UNC93B1: variants seen among roughly 807,000 people sequenced by gnomAD.
UNC93B1 encodes the protein protein unc-93 homolog B1.
UNC93B1 carries 33 observed loss-of-function variants against 56.8 expected under a neutral mutation model. That is an observed-to-expected ratio of 0.58 (90% CI 0.44 to 0.78). The LOEUF (loss-of-function observed/expected upper bound fraction) is 0.78, where lower values mean the gene tolerates loss of function less well. UNC93B1 is among the 30% of genes least tolerant of loss of function. UNC93B1 has a pLI of 0.00. For missense variants in UNC93B1, 673 were observed against 819.5 expected (o/e 0.82, Z 2.18); for synonymous variants, 334 against 358.6 (o/e 0.93, Z 0.77).
At position 68,004,006 on chromosome 11, in the gene UNC93B1, GC is replaced by G. The variant is rs1272126514; in HGVS notation, c.37del (p.Ala13LeufsTer74). 7 of 1,403,030 alleles carry G rather than the reference GC, an allele frequency of 5.0e-6. No individual in the cohort carries two copies. The highest frequency in any genetic ancestry group is 4.5e-5 in the South Asian group (3 of 67,034). 86.9% of individuals were successfully genotyped at this position (1,403,030 alleles called of 1,614,324 possible). On this transcript the variant is annotated frameshift_variant, in exon 1 of 11. Coordinates refer to ENST00000227471, the MANE Select transcript of UNC93B1 (RefSeq NM_030930.4). LOFTEE classifies it high-confidence loss of function. ...GTCCTCGTCGCCCTGCGGCCCCGCA[GC>G]CCCCGCCATCGGGTAGAGCGGCGGC... is the stretch of plus-strand genomic sequence containing the variant. ...AEPPLYPMAG[A>X]AGPQGDEDLL...
In UNC93B1 at chr11:67,991,178, T is replaced by G. The variant is rs1856831738; in HGVS notation, c.*368A>C. ...CTCGGCGGACCCTGGGGATAGGAGG[T>G]GCAAAGTGCGCTCACACGCGGCCCG... On this transcript the variant is annotated 3_prime_UTR_variant, in exon 11 of 11. Transcript: ENST00000227471. The G allele has an allele frequency of 4.4e-6, 1 of 228,824 alleles. No homozygotes were observed. The highest frequency in any genetic ancestry group is 5.8e-5 in the Admixed American group (1 of 17,348). The allele number at this position is 228,824 out of a possible 1,614,324, so 14.2% of individuals were successfully genotyped here. A position where few individuals can be genotyped will look rare whatever the true frequency, so the allele number is the denominator to read the frequency against.
chr11:67,992,672 T>TCC (rs1450442911), intron 10 of UNC93B1, among the ~76,000 whole-genome samples: 2,556 of 149,586 alleles, frequency 0.017, 61 homozygotes, highest in South Asian at 0.063. Flanking sequence ...TTTCCTTTTT[T>TCC]TTTTTTTTGG....
chr11:67,997,327 C>T (rs911343286), intron 7 of UNC93B1, among the ~76,000 whole-genome samples: 1 of 152,236 alleles, frequency 6.6e-6, no homozygotes, highest in South Asian at 2.1e-4. Flanking sequence ...CCTTCCAGCC[C>T]TCACCCTTGG....
chr11:67,993,770 T>C lies in UNC93B1; in HGVS notation c.1388A>G (p.Asp463Gly). 2 of 1,201,498 alleles carry C rather than the reference T, an allele frequency of 1.7e-6. No individual in the cohort carries two copies. The highest frequency in any genetic ancestry group is 2.4e-6 in the Non-Finnish European group (2 of 839,378). 74.4% of individuals were successfully genotyped at this position (1,201,498 alleles called of 1,614,324 possible). ...LSTLLGILYE[D>G]KERQDFIFTI... ...GAAGATGAAGTCCTGTCTCTCCTTGTCTTCGTACAAGATTCCCAGGAGTGC... is the reference window on the plus strand; with the variant it reads ...GAAGATGAAGTCCTGTCTCTCCTTGCCTTCGTACAAGATTCCCAGGAGTGC... The change falls in exon 10 of 11, where the codon GAC (aspartate) becomes GGC (glycine). Residue 463 changes from aspartate to glycine, a missense_variant. Coordinates refer to ENST00000227471, the MANE Select transcript of UNC93B1 (RefSeq NM_030930.4).
chr11:67,997,642 C>T (rs1300465879), intron 7 of UNC93B1, 33 bp downstream of exon 7: 1 of 1,598,488 alleles, frequency 6.3e-7, no homozygotes, highest in Non-Finnish European at 8.5e-7. Flanking sequence ...CACTCTGCTT[C>T]ACTGACTGTC....
At chr11:67,992,144 G>GT (rs1267374023) in intron 10 of UNC93B1, among the ~76,000 whole-genome samples, 5 of 152,280 alleles carry the variant, frequency 3.3e-5, no homozygotes, top group Admixed American at 3.3e-4. Flanking sequence ...ATGCGCCAGT[G>GT]TTGATAAAGT....
In UNC93B1 at chr11:67,994,163, A is replaced by G. The variant is rs58025311; in HGVS notation, c.1364-369T>C. ...TTCTCCTCCTCAGCCAGGACTAGAG[A>G]GATCGAACTGTTTGCAGCTGCCAAC... On this transcript the variant is annotated intron_variant, in intron 9 of 10. Transcript: ENST00000227471. Among the ~76,000 whole-genome samples, 387 of 152,176 alleles carry G rather than the reference A, an allele frequency of 2.5e-3. 5 individuals are homozygous for G. Among genetic ancestry groups the G allele is most frequent in the East Asian group, 7.4e-3 (38 of 5,168 alleles).
intron 7 of UNC93B1, 90 bp from the exon 8 acceptor site, chr11:67,996,874 G>C: frequency 2.1e-6 from 3 of 1,406,358 alleles, no homozygotes; most frequent in East Asian, 2.6e-5. Flanking sequence ...CCACGTGCCT[G>C]GGCCTTGCCC....
Position 68,003,145 on chromosome 11 carries a change from T to C in UNC93B1, c.269A>G (p.Tyr90Cys). ...GLLQMQLILH[Y>C]DETYREVKYG... is the part of the protein sequence containing the mutation. ...CTTCACCTCGCGGTAGGTCTCGTCGTAGTGCAGGATCAGCTGCATCTGCAG... is the reference window on the plus strand; with the variant it reads ...CTTCACCTCGCGGTAGGTCTCGTCGCAGTGCAGGATCAGCTGCATCTGCAG... Residue 90 changes from tyrosine to cysteine, a missense_variant, in exon 3 of 11, where the codon TAC (tyrosine) becomes TGC (cysteine). By Grantham distance (194) the Tyr-to-Cys change is radical (BLOSUM62 -2). Around this residue, in one of 3 missense-constraint regions of UNC93B1, gnomAD observed 438 missense variants for 465.9 expected, o/e 0.94. Transcript: ENST00000227471. This position sits in a 1 kb window ranked among gnomAD's most constrained non-coding sequence, Gnocchi z 4.4. The C allele has an allele frequency of 6.2e-7, 1 of 1,613,098 alleles. No individual in the cohort carries two copies. Among genetic ancestry groups the C allele is most frequent in the Non-Finnish European group, 8.5e-7 (1 of 1,179,800 alleles).
At chr11:67,997,593 G>GAT (rs1856970131) in intron 7 of UNC93B1, 82 bp downstream of exon 7, 1 of 1,584,118 alleles carries the variant, frequency 6.3e-7, no homozygotes. Context: ...CATGCCATCC[G>GAT]ATCCAGACCC....
intron 4 of UNC93B1, 22 bp downstream of exon 4, chr11:67,999,497 C>T: frequency 6.5e-7 from 1 of 1,544,878 alleles, no homozygotes; most frequent in Non-Finnish European, 8.8e-7. Context: ...CAGCCTCCTG[C>T]CCTGCTGCCC....
Position 68,003,058 on chromosome 11 carries a change from G to A in UNC93B1, c.356C>T (p.Pro119Leu). 5.0e-6 allele frequency: 8 copies of A among 1,613,106 alleles called. No homozygotes were observed. Among genetic ancestry groups the A allele is most frequent in the Non-Finnish European group, 6.8e-6 (8 of 1,179,664 alleles). The part of the protein sequence containing the change: ...SKMLMGINVT[P>L]IAALLYTPVL... The stretch of plus-strand genomic sequence containing the variant: ...AGGTGTGTAGAGCAGGGCGGCGATG[G>A]GAGTCACGTTGATGCCCATCAGCAT... The change falls in exon 3 of 11, where the codon CCC (proline) becomes CTC (leucine). Residue 119 changes from proline (P) to leucine (L), a missense_variant. This residue lies in a region of UNC93B1 where 438 missense variants were observed against 465.9 expected (regional missense o/e 0.94). Transcript: ENST00000227471. The surrounding 1 kb of genome is among the most constrained non-coding windows in gnomAD (Gnocchi z 4.4).
At chr11:67,998,732 T>C (rs533733172) in intron 5 of UNC93B1, among the ~76,000 whole-genome samples, 80 of 152,144 alleles carry the variant, frequency 5.3e-4, no homozygotes, top group South Asian at 1.7e-3. Context: ...ATCCTATCTC[T>C]ACAAAAAATA....
chr11:67,992,726 G>A (rs1232664094), intron 10 of UNC93B1, among the ~76,000 whole-genome samples: 23 of 147,334 alleles, frequency 1.6e-4, no homozygotes, highest in African/African-American at 4.8e-4. Context: ...GTGCGGTGGC[G>A]CGATCTTGGC....
In UNC93B1 at chr11:67,991,699, C is replaced by T. The variant is rs1372862109; in HGVS notation, c.1641G>A (p.Ser547=). ...GCTCGCCCTCCGCGTCGCTCTCGTC[C>T]GAGTTGTCCTCCTCCAAGTAGCGGT... The part of the protein sequence containing the change: ...RGYRYLEEDN[S]DESDAEGEHG... Residue 547 remains serine, a synonymous_variant, in exon 11 of 11, where the codon TCG becomes TCA. Coordinates refer to ENST00000227471, the MANE Select transcript of UNC93B1 (RefSeq NM_030930.4). The T allele has an allele frequency of 3.3e-6, 5 of 1,533,610 alleles. No homozygotes were observed. The highest frequency in any genetic ancestry group is 1.4e-5 in the African/African-American group (1 of 72,970).
At chr11:68,001,388 G>T (rs2134365988) in intron 3 of UNC93B1, among the ~76,000 whole-genome samples, 1 of 152,212 alleles carries the variant, frequency 6.6e-6, no homozygotes, top group East Asian at 1.9e-4. Flanking sequence ...GGGGAGTGCT[G>T]GATGTGGTGG....
At position 67,991,783 on chromosome 11, in the gene UNC93B1, G is replaced by C. The variant is rs7149; in HGVS notation, c.1557C>G (p.Arg519=). 0.25 allele frequency: 361,040 copies of C among 1,433,224 alleles called. 45,887 individuals are homozygous for C. Among genetic ancestry groups the C allele is most frequent in the African/African-American group, 0.43 (29,616 of 68,312 alleles). The allele number at this position is 1,433,224 out of a possible 1,614,324, so 88.8% of individuals were successfully genotyped here. The stretch of plus-strand genomic sequence containing the variant: ...GGGGCTGGCGCGGGGCCACGCCCCG[G>C]CGCAGCTTCTGCTCCATCCGCAGGT... ...VSYLRMEQKL[R]RGVAPRQPRI... Residue 519 remains arginine (R), a synonymous_variant, in exon 11 of 11, where the codon CGC becomes CGG. Coordinates refer to ENST00000227471, the MANE Select transcript of UNC93B1 (RefSeq NM_030930.4).
Position 67,994,456 on chromosome 11 carries a change from C to T in UNC93B1, c.1364-662G>A, listed in dbSNP as rs371351870. Among the ~76,000 whole-genome samples the T allele has an allele frequency of 1.6e-3, 240 of 152,268 alleles. 3 individuals carry two copies. The highest frequency in any genetic ancestry group is 5.2e-3 in the African/African-American group (218 of 41,532). ...CATGGCACCTGCCAAATCATAGGGGCCACTATTAACACCTTCACCAGGCAC... is the reference window on the plus strand; with the variant it reads ...CATGGCACCTGCCAAATCATAGGGGTCACTATTAACACCTTCACCAGGCAC... On this transcript the variant is annotated intron_variant, in intron 9 of 10. Transcript: ENST00000227471.
At position 67,995,785 on chromosome 11, in the gene UNC93B1, G is replaced by A. The variant is rs1856934460; in HGVS notation, c.1189C>T (p.Leu397=). Residue 397 remains leucine (L), a synonymous_variant, in exon 9 of 11, where the codon CTG becomes TTG. Transcript: ENST00000227471. ...AGGGGCACCGGGCGTGGCAGCCACA[G>A]GCCCAGCAGGCCCAGGAGTGAGGCG... The part of the protein sequence containing the change: ...SAASLLGLLG[L]WLPRPVPLVA... 6.5e-7 allele frequency: 1 copy of A among 1,547,724 alleles called. No individual in the cohort carries two copies. The highest frequency in any genetic ancestry group is 8.7e-7 in the Non-Finnish European group (1 of 1,146,608).
Sources: allele counts gnomAD v4.1 joint callset (sites outside exome capture counted in the v4.1 genomes callset), GRCh38; gene constraint gnomAD v4.1.1; regional missense constraint gnomAD v4.1.1; non-coding constraint Gnocchi (gnomAD v3.1); transcripts MANE v1.5; gene names NCBI Gene and HGNC (gene_info 2026-07-23, HGNC 2026-07-21).